Variants in ALK observed in about 807,000 individuals in gnomAD.
The protein encoded by ALK is ALK receptor tyrosine kinase, also known as ALK tyrosine kinase receptor.
ALK carries 74 observed loss-of-function variants against 163.1 expected under a neutral mutation model. That is an observed-to-expected ratio of 0.45 (90% CI 0.38 to 0.55). The LOEUF (loss-of-function observed/expected upper bound fraction) is 0.55, where lower values mean the gene tolerates loss of function less well. Among genes scored for constraint, ALK ranks in the 20% least tolerant of loss-of-function variants. ALK has a pLI of 0.00. For synonymous variants in ALK, 960 were observed against 843.2 expected (o/e 1.14, Z -2.40); for missense variants, 2,063 against 2,105.3 (o/e 0.98, Z 0.39).
intron 8 of ALK, among the ~76,000 whole-genome samples, chr2:29,316,944 C>G (rs1249888032): frequency 6.6e-6 from 1 of 152,192 alleles, no homozygotes; most frequent in African/African-American, 2.4e-5. Flanking sequence ...AATTGCATAT[C>G]ACAAAGTCCC....
chr2:29,878,128 C>A (rs1163366548), intron 1 of ALK, among the ~76,000 whole-genome samples: 1 of 152,126 alleles, frequency 6.6e-6, no homozygotes, highest in Non-Finnish European at 1.5e-5. Flanking sequence ...TGTTGGATTG[C>A]AGGATCAATC....
At chr2:29,531,831 T>C (rs1215807203) in intron 4 of ALK, 84 bp downstream of exon 4, 1 of 1,367,216 alleles carries the variant, frequency 7.3e-7, no homozygotes, top group Admixed American at 1.7e-5. Context: ...AGTTTGTAAG[T>C]AGATGTCACA....
At chr2:29,405,440 G>A (rs1295741150) in intron 4 of ALK, among the ~76,000 whole-genome samples, 1 of 152,186 alleles carries the variant, frequency 6.6e-6, no homozygotes, top group Non-Finnish European at 1.5e-5. Context: ...CAGCTGTTTG[G>A]AGCTCTGCGG....
intron 5 of ALK, among the ~76,000 whole-genome samples, chr2:29,346,848 C>T (rs764133141): frequency 3.3e-5 from 5 of 152,124 alleles, no homozygotes; most frequent in Admixed American, 2.0e-4. Flanking sequence ...GAATGAAGCA[C>T]GGACAGCTGA....
intron 5 of ALK, among the ~76,000 whole-genome samples, chr2:29,358,829 T>C (rs1668317392): frequency 6.6e-6 from 1 of 152,132 alleles, no homozygotes; most frequent in Admixed American, 6.5e-5. Flanking sequence ...TTATAATGAG[T>C]TGTCATAGAT....
chr2:29,834,020 G>A (rs562725680), intron 1 of ALK, among the ~76,000 whole-genome samples: 1 of 152,232 alleles, frequency 6.6e-6, no homozygotes, highest in Admixed American at 6.5e-5. Context: ...AGGACACATG[G>A]TTGGGCAGAA....
At chr2:29,833,328 A>C (rs74672386) in intron 1 of ALK, among the ~76,000 whole-genome samples, 2 of 152,182 alleles carry the variant, frequency 1.3e-5, no homozygotes, top group African/African-American at 4.8e-5. Flanking sequence ...AGCAGCCTCC[A>C]GGCAGCAGCC....
At chr2:29,578,746 T>C (rs1452090987) in intron 3 of ALK, among the ~76,000 whole-genome samples, 1 of 152,208 alleles carries the variant, frequency 6.6e-6, no homozygotes, top group Non-Finnish European at 1.5e-5. Context: ...AGATGGTTGA[T>C]TTCATGTCCA....
chr2:29,588,098 T>C (rs1674938871), intron 3 of ALK, among the ~76,000 whole-genome samples: 1 of 152,230 alleles, frequency 6.6e-6, no homozygotes, highest in Non-Finnish European at 1.5e-5. Context: ...AGATTGATCT[T>C]GCATCCCAGC....
rs563269751 is a variant in ALK, at chr2:29,471,629, T to C, written c.1154+60286A>G. 2.0e-5 allele frequency among the ~76,000 whole-genome samples: 3 copies of C among 152,352 alleles called. No individual in the cohort carries two copies. In the South Asian group the frequency reaches 6.2e-4, roughly 32 times the overall value. On this transcript the variant is annotated intron_variant, in intron 4 of 28. Coordinates refer to ENST00000389048, the MANE Select transcript of ALK (RefSeq NM_004304.5). ...CTCAGCACACTAGGAATAGCAGTTG[T>C]GGCAGACTGCATTTTCCAAATATGG...
At chr2:29,582,591 T>A (rs1674738486) in intron 3 of ALK, among the ~76,000 whole-genome samples, 1 of 152,200 alleles carries the variant, frequency 6.6e-6, no homozygotes, top group African/African-American at 2.4e-5. Flanking sequence ...CTTCATTTTG[T>A]TAGTTTCTGT....
At chr2:29,507,053 C>G (rs570735443) in intron 4 of ALK, among the ~76,000 whole-genome samples, 8 of 152,102 alleles carry the variant, frequency 5.3e-5, no homozygotes, top group Non-Finnish European at 1.0e-4. Context: ...AAAGCAGGGT[C>G]TTGAAGAGGT....
At chr2:29,869,177 A>C (rs957446321) in intron 1 of ALK, among the ~76,000 whole-genome samples, 17 of 152,222 alleles carry the variant, frequency 1.1e-4, no homozygotes, top group African/African-American at 4.1e-4. Flanking sequence ...GCATAATAAA[A>C]TGGCTGATTT....
chr2:29,449,913 T>G (rs1473431096), intron 4 of ALK, among the ~76,000 whole-genome samples: 6 of 152,210 alleles, frequency 3.9e-5, no homozygotes, highest in Admixed American at 3.9e-4. Flanking sequence ...TACCTGTGAA[T>G]TGGGAACATA....
intron 9 of ALK, among the ~76,000 whole-genome samples, chr2:29,278,692 T>G (rs1665607341): frequency 6.6e-6 from 1 of 152,244 alleles, no homozygotes; most frequent in Non-Finnish European, 1.5e-5. Flanking sequence ...AGGAAAATGC[T>G]GCTTCCAGGT....
intron 1 of ALK, among the ~76,000 whole-genome samples, chr2:29,870,029 G>A (rs951768101): frequency 5.3e-5 from 8 of 152,182 alleles, no homozygotes; most frequent in African/African-American, 1.9e-4. Flanking sequence ...TAATAATGGT[G>A]TATTGTGAGC....
At chr2:29,728,163 G>A (rs545071919) in intron 1 of ALK, among the ~76,000 whole-genome samples, 1 of 152,148 alleles carries the variant, frequency 6.6e-6, no homozygotes, top group Non-Finnish European at 1.5e-5. Context: ...CTTCATGTGT[G>A]CCTATTACAC....
intron 5 of ALK, among the ~76,000 whole-genome samples, chr2:29,369,063 C>G (rs1290258628): frequency 2.0e-5 from 3 of 152,220 alleles, no homozygotes; most frequent in Non-Finnish European, 4.4e-5. Flanking sequence ...TTTCCAGTGT[C>G]TTCCCATGCA....
At chr2:29,728,045 A>C (rs969045612) in intron 1 of ALK, among the ~76,000 whole-genome samples, 1 of 152,214 alleles carries the variant, frequency 6.6e-6, no homozygotes, top group Admixed American at 6.5e-5. Flanking sequence ...GTAGCAAAGA[A>C]AGGAGGAGGG....
Sources: gnomAD v4.1 joint callset for allele counts (sites outside exome capture counted in the v4.1 genomes callset) on GRCh38, gnomAD v4.1.1 for gene constraint, MANE v1.5 for transcripts, NCBI Gene and HGNC (gene_info 2026-07-23, HGNC 2026-07-21) for gene names.